CTTNBP2NL: variants seen among roughly 807,000 people sequenced by gnomAD.
CTTNBP2NL encodes the protein CTTNBP2 N-terminal like, also known as CTTNBP2 N-terminal-like protein.
In CTTNBP2NL, 16 loss-of-function variants were observed where a neutral mutation model predicts 32.5. The ratio of observed to expected loss-of-function variants is 0.49; its 90% confidence interval spans 0.33 to 0.75. CTTNBP2NL has a LOEUF of 0.75. Ranked by LOEUF, CTTNBP2NL falls within the 30% of genes least tolerant of loss-of-function variation. The pLI is 0.02. For synonymous variants in CTTNBP2NL, 298 were observed against 289.4 expected, an observed-to-expected ratio of 1.03 and a Z score of -0.30; for missense variants, 645 against 756.0, an observed-to-expected ratio of 0.85 and a Z score of 1.72.
chr1:112,430,737 G>A (rs903318648), intron 3 of CTTNBP2NL, among the ~76,000 whole-genome samples: 1 of 150,708 alleles, frequency 6.6e-6, no homozygotes, highest in Non-Finnish European at 1.5e-5. Context: ...TGTATTTTTA[G>A]TAGAGACTAA....
upstream of CTTNBP2NL, among the ~76,000 whole-genome samples, chr1:112,395,348 T>A (rs142773843): frequency 1.9e-3 from 287 of 152,320 alleles, no homozygotes; most frequent in Middle Eastern, 0.01. Flanking sequence ...TAGTTATACA[T>A]CCACTCCCCT....
At chr1:112,435,202 C>T (rs150167966) in intron 3 of CTTNBP2NL, among the ~76,000 whole-genome samples, 5 of 147,132 alleles carry the variant, frequency 3.4e-5, no homozygotes, top group Non-Finnish European at 3.0e-5. Context: ...TTGAATCATA[C>T]GTAACATGGT....
intron 1 of CTTNBP2NL, among the ~76,000 whole-genome samples, chr1:112,402,348 G>A (rs993459485): frequency 2.0e-5 from 3 of 152,156 alleles, no homozygotes; most frequent in Non-Finnish European, 4.4e-5. Flanking sequence ...AACCCAGAAG[G>A]CGGAGATTGT....
intron 2 of CTTNBP2NL, among the ~76,000 whole-genome samples, chr1:112,412,940 G>A (rs920583370): frequency 6.6e-6 from 1 of 152,020 alleles, no homozygotes; most frequent in Non-Finnish European, 1.5e-5. Context: ...GGACATATTA[G>A]TGAAATGTTC....
intron 3 of CTTNBP2NL, among the ~76,000 whole-genome samples, chr1:112,436,540 G>C (rs1222821773): frequency 6.6e-6 from 1 of 151,952 alleles, no homozygotes; most frequent in African/African-American, 2.4e-5. Flanking sequence ...TTAGAGACAG[G>C]TCTCACTGTG....
intron 2 of CTTNBP2NL, among the ~76,000 whole-genome samples, chr1:112,413,494 A>G (rs1648948844): frequency 2.6e-5 from 4 of 152,186 alleles, no homozygotes; most frequent in African/African-American, 7.2e-5. Flanking sequence ...AAATATCATC[A>G]TCCCCCTTTC....
At chr1:112,423,262 A>G (rs558029020) in intron 3 of CTTNBP2NL, among the ~76,000 whole-genome samples, 1 of 152,122 alleles carries the variant, frequency 6.6e-6, no homozygotes, top group East Asian at 1.9e-4. Context: ...GACTTATTTC[A>G]TTATCTTAAC....
Position 112,458,710 on chromosome 1 carries a change from G to C in CTTNBP2NL, c.*1298G>C, listed in dbSNP as rs1451182789. On this transcript the variant is annotated 3_prime_UTR_variant, in exon 6 of 6. Transcript: ENST00000271277. ...GAGCTGGCCAGGCACAGTGGCTCAT[G>C]CCTGTAATCTTATCACTTTGGGAGG... 1 of 152,148 alleles carries C rather than the reference G, an allele frequency of 6.6e-6. No individual in the cohort carries two copies. The highest frequency in any genetic ancestry group is 1.5e-5 in the Non-Finnish European group (1 of 68,052). The allele number at this position is 152,148 out of a possible 1,614,324, so 9.4% of individuals were successfully genotyped here. A position where few individuals can be genotyped will look rare whatever the true frequency, so the allele number is the denominator to read the frequency against.
At chr1:112,394,079 G>A (rs957860057), upstream of CTTNBP2NL, among the ~76,000 whole-genome samples, 30 of 152,046 alleles carry the variant, frequency 2.0e-4, no homozygotes, top group African/African-American at 5.8e-4. Context: ...AGTGACAGGC[G>A]CCTATAATCC....
rs1339583237 is a variant in CTTNBP2NL, at chr1:112,456,540, G to A, written c.1048G>A (p.Gly350Ser). The change falls in exon 6 of 6, where the codon GGC (glycine) becomes AGC (serine). Residue 350 changes from glycine to serine, a missense_variant. Physicochemically the swap from Gly to Ser is moderately conservative, Grantham distance 56. Transcript: ENST00000271277. ...TPAYSYAKTNGHCDPEIQTTR... is the reference protein window; with the variant it reads ...TPAYSYAKTNSHCDPEIQTTR... ...TGCTTACTCATATGCAAAAACCAAT[G>A]GCCATTGTGACCCAGAGATACAAAC... The A allele has an allele frequency of 2.5e-6, 4 of 1,614,058 alleles. No individual in the cohort carries two copies. The highest frequency in any genetic ancestry group is 1.7e-5 in the Admixed American group (1 of 59,986).
intron 1 of CTTNBP2NL, among the ~76,000 whole-genome samples, chr1:112,404,111 G>A (rs1312078661): frequency 1.5e-4 from 23 of 152,196 alleles, no homozygotes; most frequent in Admixed American, 1.4e-3. Context: ...ATGGATGAAA[G>A]AGCAAGTGGC....
rs763467939 is a variant in CTTNBP2NL, at chr1:112,456,724, G to A, written c.1232G>A (p.Ser411Asn). The A allele has an allele frequency of 3.7e-6, 6 of 1,614,084 alleles. No homozygotes were observed. The highest frequency in any genetic ancestry group is 4.2e-6 in the Non-Finnish European group (5 of 1,180,018). The change falls in exon 6 of 6, where the codon AGC becomes AAC. Residue 411 changes from serine (S) to asparagine (N), a missense_variant. Ser to Asn is a conservative substitution (Grantham distance 46). Transcript: ENST00000271277. ...PMPSPLSSSG[S>N]SLSPSSTASS... ...CCCAGTCCCCTCTCTTCCAGTGGGA[G>A]CTCACTGTCTCCCAGCAGCACTGCC... is the stretch of plus-strand genomic sequence containing the variant.
At chr1:112,411,147 C>T (rs768409525) in intron 1 of CTTNBP2NL, among the ~76,000 whole-genome samples, 1 of 152,080 alleles carries the variant, frequency 6.6e-6, no homozygotes, top group Non-Finnish European at 1.5e-5. Flanking sequence ...TACTTCCTGT[C>T]CTAACTTGAG....
At chr1:112,429,683 A>C (rs1649504853) in intron 3 of CTTNBP2NL, among the ~76,000 whole-genome samples, 1 of 152,200 alleles carries the variant, frequency 6.6e-6, no homozygotes, top group African/African-American at 2.4e-5. Flanking sequence ...ATAGAAACAA[A>C]ATGCTAGAAA....
chr1:112,449,520 T>G (rs1650157929), intron 4 of CTTNBP2NL, among the ~76,000 whole-genome samples: 1 of 151,814 alleles, frequency 6.6e-6, no homozygotes, highest in African/African-American at 2.4e-5. Flanking sequence ...ACTTAAGAGA[T>G]AAATAAAAAG....
rs1229896242 is a variant in CTTNBP2NL at position 112,460,391 on chromosome 1, C to CA, written c.*2979_*2980insA. 2.0e-5 allele frequency: 3 copies of CA among 152,272 alleles called. No homozygotes were observed. The highest frequency in any genetic ancestry group is 3.9e-4 in the East Asian group (2 of 5,186). The allele number at this position is 152,272 out of a possible 1,614,324, so 9.4% of individuals were successfully genotyped here. On this transcript the variant is annotated 3_prime_UTR_variant, in exon 6 of 6. Transcript: ENST00000271277. ...CATCCAGGTTAGACTCCATAAGGAA[C>CA]TAAGACATTGATTTTCTTTAGAGTC...
chr1:112,404,183 A>G (rs913116458), intron 1 of CTTNBP2NL, among the ~76,000 whole-genome samples: 3 of 152,368 alleles, frequency 2.0e-5, no homozygotes, highest in Admixed American at 1.3e-4. Context: ...CCACTATAAC[A>G]TACTGTCTCC....
chr1:112,441,845 A>C (rs1649899718), intron 3 of CTTNBP2NL, among the ~76,000 whole-genome samples: 1 of 152,140 alleles, frequency 6.6e-6, no homozygotes, highest in Non-Finnish European at 1.5e-5. Flanking sequence ...TTTTCTCTTT[A>C]GGTCTGTGAT....
chr1:112,421,014 G>A (rs1159110565), intron 3 of CTTNBP2NL, among the ~76,000 whole-genome samples: 5 of 152,114 alleles, frequency 3.3e-5, no homozygotes, highest in Non-Finnish European at 5.9e-5. Context: ...TGGTTATTAC[G>A]AGGACCAAAT....
Sources: gnomAD v4.1 joint callset for allele counts (sites outside exome capture counted in the v4.1 genomes callset) on GRCh38, gnomAD v4.1.1 for gene constraint, MANE v1.5 for transcripts, NCBI Gene and HGNC (gene_info 2026-07-23, HGNC 2026-07-21) for gene names.